The following L3MBTL4 variants were observed in gnomAD, a reference collection of about 807,000 sequenced individuals.
L3MBTL4 encodes the protein lethal(3)malignant brain tumor-like protein 4.
In L3MBTL4, 70 loss-of-function variants were observed where a neutral mutation model predicts 84.5. That is an observed-to-expected ratio of 0.83 (90% CI 0.68 to 1.01). The LOEUF is 1.01. Ranked by LOEUF, L3MBTL4 falls within the 50% of genes least tolerant of loss-of-function variation. L3MBTL4 has a pLI of 0.00. For synonymous variants in L3MBTL4, 274 were observed against 259.8 expected (o/e 1.05, Z -0.52); for missense variants, 715 against 754.8 (o/e 0.95, Z 0.62).
chr18:6,165,717 T>C (rs1328687604), intron 13 of L3MBTL4, among the ~76,000 whole-genome samples: 1 of 152,162 alleles, frequency 6.6e-6, no homozygotes, highest in East Asian at 1.9e-4. Context: ...TACCAACCAC[T>C]GCAAAAACAT....
rs139489911 is a variant in L3MBTL4, at chr18:6,403,254, G to A, written c.-91+11547C>T. Reference sequence around the variant, plus strand: ...ATTTTTGCATATTTAACTAATTCCTGTCTCTCCCAGGAATGCAACTCTGTG... The same window carrying A: ...ATTTTTGCATATTTAACTAATTCCTATCTCTCCCAGGAATGCAACTCTGTG... On this transcript the variant is annotated intron_variant, in intron 1 of 18. Transcript: ENST00000317931. Among the ~76,000 whole-genome samples the A allele has an allele frequency of 6.7e-3, 1,022 of 152,220 alleles. 5 individuals carry two copies. Among genetic ancestry groups the A allele is most frequent in the African/African-American group, 0.023 (965 of 41,528 alleles).
chr18:6,099,607 T>TATATATATATATATATA (rs201566898), intron 14 of L3MBTL4, among the ~76,000 whole-genome samples: 3 of 122,794 alleles, frequency 2.4e-5, no homozygotes, highest in Non-Finnish European at 3.5e-5. Flanking sequence ...TATATATATA[T>TATATATATATATATATA]GGAGAGAGAG....
At chr18:6,258,046 G>A (rs1239535123) in intron 5 of L3MBTL4, among the ~76,000 whole-genome samples, 2 of 152,220 alleles carry the variant, frequency 1.3e-5, no homozygotes, top group Non-Finnish European at 2.9e-5. Context: ...TGGAAAGGAT[G>A]CAGAGCACAG....
chr18:6,414,374 C>T lies in L3MBTL4; in HGVS notation c.-91+427G>A, dbSNP rs1341110565. Among the ~76,000 whole-genome samples, 2 of 152,182 alleles carry T rather than the reference C, an allele frequency of 1.3e-5. No homozygotes were observed. The highest frequency in any genetic ancestry group is 2.9e-5 in the Non-Finnish European group (2 of 68,020). On this transcript the variant is annotated intron_variant, in intron 1 of 18. Coordinates refer to ENST00000317931, the MANE Select transcript of L3MBTL4 (RefSeq NM_001330559.2). This position sits in a 1 kb window ranked among gnomAD's most constrained non-coding sequence, Gnocchi z 5.4. ...CAAAAGCCAAATGCCCACCGCCGGGCGCTCGATGGCCGGAGGACTGCCTGG... is the reference window on the plus strand; with the variant it reads ...CAAAAGCCAAATGCCCACCGCCGGGTGCTCGATGGCCGGAGGACTGCCTGG...
intron 4 of L3MBTL4, among the ~76,000 whole-genome samples, chr18:6,274,046 G>T (rs1302118092): frequency 1.3e-5 from 2 of 152,216 alleles, no homozygotes; most frequent in African/African-American, 4.8e-5. Flanking sequence ...GTTAAAGTTT[G>T]AGAATCATTG....
intron 14 of L3MBTL4, among the ~76,000 whole-genome samples, chr18:6,122,995 G>A (rs776221909): frequency 3.7e-4 from 56 of 152,050 alleles, no homozygotes; most frequent in Non-Finnish European, 7.8e-4. Context: ...GTAATTCCAG[G>A]AAATCACAGC....
chr18:6,365,941 A>T (rs28690214), intron 1 of L3MBTL4, among the ~76,000 whole-genome samples: 3,020 of 152,314 alleles, frequency 0.02, 106 homozygotes, highest in African/African-American at 0.068. Flanking sequence ...CTTTGAAAAA[A>T]AATCACACAG....
intron 1 of L3MBTL4, among the ~76,000 whole-genome samples, chr18:6,323,468 A>C (rs576084922): frequency 6.6e-6 from 1 of 152,338 alleles, no homozygotes; most frequent in East Asian, 1.9e-4. Flanking sequence ...AGGAGATCTC[A>C]GATGGAAATG....
intron 3 of L3MBTL4, among the ~76,000 whole-genome samples, chr18:6,303,211 C>G (rs1455931488): frequency 6.6e-6 from 1 of 151,932 alleles, no homozygotes; most frequent in Non-Finnish European, 1.5e-5. Context: ...CTGCAACCAC[C>G]ACCTCCCAGG....
chr18:6,186,754 T>C (rs527687888), intron 12 of L3MBTL4, among the ~76,000 whole-genome samples: 1 of 152,044 alleles, frequency 6.6e-6, no homozygotes. Flanking sequence ...AAGGTCAGGG[T>C]ACGCAGAGAG....
intron 5 of L3MBTL4, among the ~76,000 whole-genome samples, chr18:6,262,953 A>G (rs1400424584): frequency 6.6e-6 from 1 of 152,212 alleles, no homozygotes; most frequent in Non-Finnish European, 1.5e-5. Flanking sequence ...TGAAAAGTAA[A>G]CCAAATAAAA....
intron 10 of L3MBTL4, among the ~76,000 whole-genome samples, chr18:6,223,089 A>G (rs933308108): frequency 4.6e-5 from 7 of 151,964 alleles, no homozygotes; most frequent in African/African-American, 1.7e-4. Context: ...AATATCTACT[A>G]AGTAGGTCCA....
At chr18:6,022,309 G>A (rs1270539175) in intron 16 of L3MBTL4, among the ~76,000 whole-genome samples, 1 of 152,078 alleles carries the variant, frequency 6.6e-6, no homozygotes, top group Non-Finnish European at 1.5e-5. Context: ...GTGCTTCTGT[G>A]TCTATGACCA....
intron 16 of L3MBTL4, among the ~76,000 whole-genome samples, chr18:6,014,080 G>T (rs2054853857): frequency 6.6e-6 from 1 of 152,106 alleles, no homozygotes; most frequent in South Asian, 2.1e-4. Context: ...TCATTACTCT[G>T]GGCCTCGATT....
chr18:6,172,216 T>C (rs538300615), intron 12 of L3MBTL4, among the ~76,000 whole-genome samples: 25 of 152,292 alleles, frequency 1.6e-4, no homozygotes, highest in Non-Finnish European at 3.2e-4. Context: ...CCAATCCATT[T>C]TCTCAACTAA....
At chr18:6,128,622 A>G (rs901040604) in intron 14 of L3MBTL4, among the ~76,000 whole-genome samples, 10 of 152,186 alleles carry the variant, frequency 6.6e-5, no homozygotes, top group Admixed American at 6.5e-4. Context: ...AAGGAAAAGG[A>G]CTTCCAACTG....
chr18:6,116,787 A>G (rs1156470364), intron 14 of L3MBTL4, among the ~76,000 whole-genome samples: 1 of 152,252 alleles, frequency 6.6e-6, no homozygotes, highest in Non-Finnish European at 1.5e-5. Context: ...TGTTTATAAC[A>G]TAATTATAAA....
At chr18:6,180,311 G>A (rs200394646) in intron 12 of L3MBTL4, among the ~76,000 whole-genome samples, 1 of 138,794 alleles carries the variant, frequency 7.2e-6, no homozygotes, top group African/African-American at 2.8e-5. Context: ...TACTGAGACA[G>A]GGATTATGAA....
intron 1 of L3MBTL4, among the ~76,000 whole-genome samples, chr18:6,379,735 A>G (rs2054519486): frequency 6.6e-6 from 1 of 151,994 alleles, no homozygotes; most frequent in African/African-American, 2.4e-5. Context: ...TTTATTGAGG[A>G]TTTTTGCATC....
Sources: gnomAD v4.1 joint callset for allele counts (sites outside exome capture counted in the v4.1 genomes callset) on GRCh38, gnomAD v4.1.1 for gene constraint, Gnocchi (gnomAD v3.1) non-coding constraint, MANE v1.5 for transcripts, NCBI Gene and HGNC (gene_info 2026-07-23, HGNC 2026-07-21) for gene names.